Variants in ITFG1 observed in about 807,000 individuals in gnomAD.
ITFG1 encodes T-cell immunomodulatory protein.
In ITFG1, 34 loss-of-function variants were observed where a neutral mutation model predicts 81.8. The observed-to-expected ratio is 0.42, with a 90% CI of 0.32 to 0.55. The LOEUF is 0.55. Among genes scored for constraint, ITFG1 ranks in the 20% least tolerant of loss-of-function variants. ITFG1 has a pLI of 0.17. For synonymous variants in ITFG1, 285 were observed against 270.6 expected (o/e 1.05, Z -0.52); for missense variants, 672 against 755.4 (o/e 0.89, Z 1.29).
chr16:47,182,390 A>T (rs1965137919), intron 14 of ITFG1, among the ~76,000 whole-genome samples: 1 of 151,876 alleles, frequency 6.6e-6, no homozygotes, highest in Non-Finnish European at 1.5e-5. Context: ...GGCTCTCAAA[A>T]AAAAAAAAAG....
At chr16:47,272,932 G>C (rs1966358821) in intron 10 of ITFG1, among the ~76,000 whole-genome samples, 1 of 146,344 alleles carries the variant, frequency 6.8e-6, no homozygotes, top group East Asian at 2.0e-4. Context: ...TTTGAGGCTG[G>C]TTTTAATTTA....
At chr16:47,168,578 AG>A (rs1964922912) in intron 14 of ITFG1, among the ~76,000 whole-genome samples, 1 of 147,844 alleles carries the variant, frequency 6.8e-6, no homozygotes, top group African/African-American at 2.5e-5. Context: ...TCTAGAGACA[AG>A]GTCTCACTAT....
At position 47,169,652 on chromosome 16, in the gene ITFG1, TC is replaced by T. The variant is rs1484879744; in HGVS notation, c.1454-6989del. On this transcript the variant is annotated intron_variant, in intron 14 of 17. Transcript: ENST00000320640. ...TGCAAATAGAAATCATTTTGCATGT[TC>T]CTAATTTAGAAGATTTTTATTTCTT... 2.6e-5 allele frequency among the ~76,000 whole-genome samples: 4 copies of T among 152,294 alleles called. No homozygotes were observed. The East Asian group carries it at 7.7e-4, about 29-fold the overall frequency.
intron 9 of ITFG1, chr16:47,313,115 A>G (rs1320643228): frequency 6.6e-6 from 1 of 152,222 alleles, no homozygotes; most frequent in Non-Finnish European, 1.5e-5. Flanking sequence ...CTGTACTCAC[A>G]CTGGCCAGTT....
intron 10 of ITFG1, among the ~76,000 whole-genome samples, chr16:47,310,876 G>C (rs1207295501): frequency 6.6e-6 from 1 of 152,160 alleles, no homozygotes; most frequent in Admixed American, 6.5e-5. Flanking sequence ...GTTGGACTGA[G>C]ATCAAAGCCT....
intron 8 of ITFG1, among the ~76,000 whole-genome samples, chr16:47,353,072 G>C (rs143475896): frequency 0.024 from 3,644 of 152,040 alleles, 114 homozygotes; most frequent in African/African-American, 0.074. Flanking sequence ...GGTAGGGTGA[G>C]GGGGGAGGGA....
At position 47,307,104 on chromosome 16, in the gene ITFG1, A is replaced by AC. The variant is rs1325976193; in HGVS notation, c.1070+4135_1070+4136insG. 4.1e-3 allele frequency among the ~76,000 whole-genome samples: 602 copies of AC among 145,158 alleles called. 6 individuals carry two copies. Among genetic ancestry groups the AC allele is most frequent in the Non-Finnish European group, 7.6e-3 (502 of 65,780 alleles). On this transcript the variant is annotated intron_variant, in intron 10 of 17. Transcript: ENST00000320640. ...GCAAAACTCCGTCTCAAAAAAAAAA[A>AC]AAAAAAAAAAAAAAAAAAACGGAGA...
intron 5 of ITFG1, among the ~76,000 whole-genome samples, chr16:47,439,748 C>T (rs1265890679): frequency 6.6e-6 from 1 of 152,124 alleles, no homozygotes; most frequent in Non-Finnish European, 1.5e-5. Context: ...ACTGTAAAGA[C>T]CATGAAGGTT....
intron 7 of ITFG1, among the ~76,000 whole-genome samples, chr16:47,367,947 C>T (rs1287753448): frequency 6.6e-6 from 1 of 152,144 alleles, no homozygotes; most frequent in East Asian, 1.9e-4. Context: ...TTAGAAAGAT[C>T]ACAGCATTGG....
At chr16:47,181,722 C>T (rs1389793508) in intron 14 of ITFG1, among the ~76,000 whole-genome samples, 3 of 151,930 alleles carry the variant, frequency 2.0e-5, no homozygotes, top group Non-Finnish European at 4.4e-5. Flanking sequence ...ATGACAATGG[C>T]GGTTTTGTGG....
intron 15 of ITFG1, 135 bp downstream of exon 15, chr16:47,162,405 T>C (rs1216041382): frequency 3.9e-6 from 3 of 769,778 alleles, no homozygotes; most frequent in East Asian, 3.2e-5. Context: ...AATTTTTCTT[T>C]ATTCTTTAAA....
intron 1 of ITFG1, among the ~76,000 whole-genome samples, chr16:47,460,427 G>A (rs927201982): frequency 6.6e-6 from 1 of 152,196 alleles, no homozygotes; most frequent in Non-Finnish European, 1.5e-5. Context: ...GTTCATCAAC[G>A]GGGAAGGAAG....
rs183868321 is a variant in ITFG1, at chr16:47,310,799, A to G, written c.1070+441T>C. Among the ~76,000 whole-genome samples the G allele has an allele frequency of 6.7e-4, 102 of 152,310 alleles. No individual in the cohort carries two copies. The Middle Eastern group carries it at 0.031, about 46-fold the overall frequency. On this transcript the variant is annotated intron_variant, in intron 10 of 17. Coordinates refer to ENST00000320640, the MANE Select transcript of ITFG1 (RefSeq NM_030790.5). ...ACTATAACTCCATGACAGAGGTACA[A>G]TTATTACACTTATTTCACACATGAA...
chr16:47,370,279 G>T (rs190459028), intron 7 of ITFG1, among the ~76,000 whole-genome samples: 1 of 152,098 alleles, frequency 6.6e-6, no homozygotes, highest in Non-Finnish European at 1.5e-5. Flanking sequence ...TAAAGTCCCC[G>T]ACCAGAGTGA....
intron 6 of ITFG1, among the ~76,000 whole-genome samples, chr16:47,425,068 T>C (rs1376853935): frequency 6.6e-6 from 1 of 152,168 alleles, no homozygotes; most frequent in Non-Finnish European, 1.5e-5. Flanking sequence ...GCAGTAGTCC[T>C]TGCTGAGCTG....
chr16:47,209,950 G>T (rs189143817), intron 14 of ITFG1, among the ~76,000 whole-genome samples: 1 of 152,128 alleles, frequency 6.6e-6, no homozygotes, highest in African/African-American at 2.4e-5. Flanking sequence ...ATAAGCCACA[G>T]GAGGATGCCT....
chr16:47,392,883 A>T (rs1276531580), intron 6 of ITFG1, among the ~76,000 whole-genome samples: 1 of 152,216 alleles, frequency 6.6e-6, no homozygotes. Context: ...AATGTAAGTA[A>T]TAGAAAAATC....
chr16:47,247,462 G>A (rs961532164), intron 12 of ITFG1, among the ~76,000 whole-genome samples: 7 of 152,110 alleles, frequency 4.6e-5, no homozygotes, highest in Non-Finnish European at 8.8e-5. Context: ...GTGTTGATAA[G>A]GGTAAACCTC....
chr16:47,375,735 C>A, intron 7 of ITFG1, 141 bp downstream of exon 7: 1 of 661,934 alleles, frequency 1.5e-6, no homozygotes, highest in Non-Finnish European at 2.8e-6. Flanking sequence ...AGTTTGAATG[C>A]AGCAATGCAA....
Sources: gnomAD v4.1 joint callset for allele counts (sites outside exome capture counted in the v4.1 genomes callset) on GRCh38, gnomAD v4.1.1 for gene constraint, MANE v1.5 for transcripts, NCBI Gene and HGNC (gene_info 2026-07-23, HGNC 2026-07-21) for gene names.